Variants in LAMA3 observed in about 807,000 individuals in gnomAD.
LAMA3 encodes laminin subunit alpha-3.
A neutral mutation model predicts 402.0 loss-of-function variants in LAMA3; 281 were observed. The observed-to-expected ratio is 0.70, with a 90% confidence interval of 0.63 to 0.77. LAMA3 has a LOEUF of 0.77. Ranked by LOEUF, LAMA3 falls within the 30% of genes least tolerant of loss-of-function variation. The pLI is 0.00. For synonymous variants in LAMA3, 1,431 were observed against 1,558.4 expected (o/e 0.92, Z 1.93); for missense variants, 3,840 against 4,215.5 (o/e 0.91, Z 2.47).
At position 23,721,628 on chromosome 18, in the gene LAMA3, C is replaced by T. The variant is rs146539437; in HGVS notation, c.447+7556C>T. On this transcript the variant is annotated intron_variant, in intron 2 of 74. Transcript: ENST00000313654. ...ATATCTCTCTCGGTCTCTTCCATAT[C>T]CCTCCACTTCCCTCTCCCTCCCCAC... Among the ~76,000 whole-genome samples, 169 of 152,248 alleles carry T rather than the reference C, an allele frequency of 1.1e-3. 1 individual carries two copies. The highest frequency in any genetic ancestry group is 1.6e-3 in the Non-Finnish European group (106 of 68,016).
At chr18:23,726,693 C>G (rs956331247) in intron 2 of LAMA3, among the ~76,000 whole-genome samples, 4 of 152,200 alleles carry the variant, frequency 2.6e-5, no homozygotes. Flanking sequence ...TCTCGGCTCA[C>G]TACAACCTCT....
intron 6 of LAMA3, among the ~76,000 whole-genome samples, chr18:23,757,150 C>G (rs1051963730): frequency 3.3e-5 from 5 of 151,978 alleles, no homozygotes; most frequent in African/African-American, 1.2e-4. Context: ...CTAGGACGCC[C>G]ACCTGACGCA....
intron 27 of LAMA3, among the ~76,000 whole-genome samples, chr18:23,841,505 C>T (rs2063700978): frequency 6.6e-6 from 1 of 152,174 alleles, no homozygotes; most frequent in Admixed American, 6.5e-5. Flanking sequence ...GTGATGAGAA[C>T]TCCCCACTCA....
At chr18:23,741,874 C>T (rs933491840) in intron 2 of LAMA3, among the ~76,000 whole-genome samples, 1 of 152,114 alleles carries the variant, frequency 6.6e-6, no homozygotes, top group Non-Finnish European at 1.5e-5. Flanking sequence ...CACCTGACAG[C>T]ACTTTGGGAG....
At chr18:23,871,136 G>A (rs2064504660) in intron 37 of LAMA3, among the ~76,000 whole-genome samples, 1 of 152,118 alleles carries the variant, frequency 6.6e-6, no homozygotes, top group Non-Finnish European at 1.5e-5. Context: ...CTCACCTTAT[G>A]TTTGCACAAA....
chr18:23,904,297 A>G (rs1447066326), intron 50 of LAMA3, among the ~76,000 whole-genome samples: 1 of 152,208 alleles, frequency 6.6e-6, no homozygotes, highest in Non-Finnish European at 1.5e-5. Context: ...GGGCACAGCT[A>G]CAGAGGCCAT....
At position 23,884,941 on chromosome 18, in the gene LAMA3, G is replaced by C. The variant is rs550584740; in HGVS notation, c.5303+88G>C. The C allele has an allele frequency of 3.4e-5, 32 of 940,584 alleles. No individual in the cohort carries two copies. The African/African-American group carries it at 4.8e-4, about 14-fold the overall frequency. 58.3% of individuals were successfully genotyped at this position (940,584 alleles called of 1,614,324 possible). A position where few individuals can be genotyped will look rare whatever the true frequency, so the allele number is the denominator to read the frequency against. On this transcript the variant is annotated intron_variant, in intron 41 of 74. Coordinates refer to ENST00000313654, the MANE Select transcript of LAMA3 (RefSeq NM_198129.4). ...TGCCAGGTGCTGGCACAGAGCTAGG[G>C]GTGGGGCTGGGAGTTTGACTGAGGC...
In LAMA3 at chr18:23,912,882, G is replaced by GT; in HGVS notation, c.7329+2dup. 1 of 1,612,760 alleles carries GT rather than the reference G, an allele frequency of 6.2e-7. No homozygotes were observed. The highest frequency in any genetic ancestry group is 8.5e-7 in the Non-Finnish European group (1 of 1,179,104). ...TGTGATGTACCTTGGAAATAAAGATGTAAGTATTGCTTGGACATCTCTCTT... is the reference window on the plus strand; with the variant it reads ...TGTGATGTACCTTGGAAATAAAGATGTTAAGTATTGCTTGGACATCTCTCTT... On this transcript the variant is annotated splice_donor_variant, in intron 56 of 74. Coordinates refer to ENST00000313654, the MANE Select transcript of LAMA3 (RefSeq NM_198129.4). LOFTEE classifies it high-confidence loss of function.
At chr18:23,856,765 G>C (rs931471839) in intron 32 of LAMA3, among the ~76,000 whole-genome samples, 17 of 152,176 alleles carry the variant, frequency 1.1e-4, no homozygotes, top group African/African-American at 3.9e-4. Context: ...GGGAAATTGG[G>C]AGTCTTCCTT....
At chr18:23,845,416 T>C (rs1259551320) in intron 30 of LAMA3, among the ~76,000 whole-genome samples, 1 of 152,226 alleles carries the variant, frequency 6.6e-6, no homozygotes, top group African/African-American at 2.4e-5. Flanking sequence ...CCCTCTCCAC[T>C]GTTTCCTGTG....
In LAMA3 at chr18:23,898,740, T is replaced by A; in HGVS notation, c.5616T>A (p.Asn1872Lys). Residue 1872 changes from asparagine to lysine, a missense_variant and splice_region_variant, in exon 45 of 75, where the codon AAT (asparagine) becomes AAA (lysine). By Grantham distance (94) the Asn-to-Lys change is moderately conservative. Coordinates refer to ENST00000313654, the MANE Select transcript of LAMA3 (RefSeq NM_198129.4). ...HMETQAKDLR[N>K]QLLNYRSAIS... The stretch of plus-strand genomic sequence containing the variant: ...ATTCATTTGTGTTTTGTTTCCAGAA[T>A]CAGTTGCTCAACTACCGTTCTGCCA... The A allele has an allele frequency of 6.5e-7, 1 of 1,549,896 alleles. No homozygotes were observed.
chr18:23,702,777 C>T (rs1001696867), intron 1 of LAMA3, among the ~76,000 whole-genome samples: 10 of 152,314 alleles, frequency 6.6e-5, no homozygotes, highest in African/African-American at 2.4e-4. Context: ...TACGGCTAGA[C>T]AGCTATTCCC....
intron 39 of LAMA3, among the ~76,000 whole-genome samples, chr18:23,878,121 CA>C (rs1260731826): frequency 6.6e-6 from 1 of 151,978 alleles, no homozygotes; most frequent in Non-Finnish European, 1.5e-5. Context: ...CAAAACAAAA[CA>C]AAAACAAAAA....
At chr18:23,744,630 G>A (rs2061617014) in intron 2 of LAMA3, among the ~76,000 whole-genome samples, 1 of 151,958 alleles carries the variant, frequency 6.6e-6, no homozygotes, top group Non-Finnish European at 1.5e-5. Flanking sequence ...AGGAGATCGA[G>A]ACCATCCTGG....
chr18:23,928,234 C>G lies in LAMA3; in HGVS notation c.8289C>G (p.Asp2763Glu). 5.0e-6 allele frequency: 8 copies of G among 1,597,648 alleles called. 1 individual carries two copies. Among genetic ancestry groups the G allele is most frequent in the Non-Finnish European group, 6.9e-6 (8 of 1,164,978 alleles). Residue 2763 changes from aspartate to glutamate, a missense_variant, in exon 63 of 75, where the codon GAC becomes GAG. Coordinates refer to ENST00000313654, the MANE Select transcript of LAMA3 (RefSeq NM_198129.4). ...GAGTAACCAAAAAGTGCTCGGAAGA[C>G]TGGAAGGTAAGTGAAAGTTCAGAAC... Reference protein sequence around the residue: ...TVGVTKKCSEDWKLVRSASFS... With the variant: ...TVGVTKKCSEEWKLVRSASFS...
intron 12 of LAMA3, among the ~76,000 whole-genome samples, chr18:23,785,877 T>C (rs1237482165): frequency 6.6e-6 from 1 of 152,204 alleles, no homozygotes; most frequent in African/African-American, 2.4e-5. Flanking sequence ...ACAAAGATAA[T>C]GAATAAATAA....
At chr18:23,914,333 A>T in intron 56 of LAMA3, 77 bp from the exon 57 acceptor site, 1 of 1,501,396 alleles carries the variant, frequency 6.7e-7, no homozygotes, top group Non-Finnish European at 9.3e-7. Flanking sequence ...GTTATTTGAA[A>T]TGCATCCTCA....
intron 24 of LAMA3, chr18:23,834,260 T>C (rs180949950): frequency 9.2e-6 from 4 of 434,334 alleles, no homozygotes; most frequent in Admixed American, 3.5e-5. Flanking sequence ...GCACAACCTT[T>C]TTATTTGATT....
intron 41 of LAMA3, among the ~76,000 whole-genome samples, chr18:23,887,819 A>T (rs150352916): frequency 5.6e-4 from 86 of 152,362 alleles, no homozygotes; most frequent in African/African-American, 1.8e-3. Context: ...GGGCCACACA[A>T]GACAAGCCTA....
Sources: gnomAD v4.1 joint callset for allele counts (sites outside exome capture counted in the v4.1 genomes callset) on GRCh38, gnomAD v4.1.1 for gene constraint, MANE v1.5 for transcripts, NCBI Gene and HGNC (gene_info 2026-07-23, HGNC 2026-07-21) for gene names.